Variants in PAX2 observed in about 807,000 individuals in gnomAD.
PAX2 encodes paired box protein Pax-2.
In PAX2, 9 loss-of-function variants were observed where a neutral mutation model predicts 41.7. The observed-to-expected ratio is 0.22, with a 90% CI of 0.13 to 0.38. PAX2 has a LOEUF of 0.38. Among genes scored for constraint, PAX2 ranks in the 10% least tolerant of loss-of-function variants. The probability of loss-of-function intolerance (pLI) is 1.00; values close to 1 mark genes in which losing one functional copy is unlikely to be tolerated. For missense variants in PAX2, 418 were observed against 531.6 expected (o/e 0.79, Z 2.10); for synonymous variants, 221 against 212.7 (o/e 1.04, Z -0.34).
At chr10:100,771,912 A>G (rs1846225695) in intron 3 of PAX2, among the ~76,000 whole-genome samples, 1 of 151,652 alleles carries the variant, frequency 6.6e-6, no homozygotes, top group African/African-American at 2.4e-5. Flanking sequence ...CGTTCAAGCA[A>G]TTCTCTGCCT....
Position 100,824,741 on chromosome 10 carries a change from T to C in PAX2, c.1013T>C (p.Met338Thr). The change falls in exon 8 of 10, where the codon ATG becomes ACG. Residue 338 changes from methionine to threonine, a missense_variant. Transcript: ENST00000355243. This position sits in a 1 kb window ranked among gnomAD's most constrained non-coding sequence, Gnocchi z 6.6. ...GSYPTSTLAGMVPGSEFSGNP... is the reference protein window; with the variant it reads ...GSYPTSTLAGTVPGSEFSGNP... Reference sequence around the variant, plus strand: ...TACCCCACCTCCACCCTGGCAGGAATGGTGCCTGGTAGGTGACAATGCTGC... The same window carrying C: ...TACCCCACCTCCACCCTGGCAGGAACGGTGCCTGGTAGGTGACAATGCTGC... 1.2e-6 allele frequency: 2 copies of C among 1,601,566 alleles called. No individual in the cohort carries two copies. The highest frequency in any genetic ancestry group is 1.7e-6 in the Non-Finnish European group (2 of 1,168,728).
rs1489273307 is a variant in PAX2, at chr10:100,771,944, T to A, written c.411-7554T>A. 2.6e-5 allele frequency among the ~76,000 whole-genome samples: 4 copies of A among 151,988 alleles called. No homozygotes were observed. The East Asian group carries it at 7.8e-4, about 30-fold the overall frequency. On this transcript the variant is annotated intron_variant, in intron 3 of 9. Coordinates refer to ENST00000355243, the MANE Select transcript of PAX2 (RefSeq NM_000278.5). ...GCCTCAGCCTCCCCAGTAGCAGGGA[T>A]TACAGGCATCCGCCACCATGCCCGG...
At chr10:100,803,903 A>T (rs1018530693) in intron 5 of PAX2, among the ~76,000 whole-genome samples, 1 of 152,084 alleles carries the variant, frequency 6.6e-6, no homozygotes, top group Non-Finnish European at 1.5e-5. Flanking sequence ...TAAATAAATA[A>T]ATAAAAAGGT....
In PAX2 at chr10:100,826,173, C is replaced by T. The variant is rs896700281; in HGVS notation, c.1022-836C>T. Among the ~76,000 whole-genome samples the T allele has an allele frequency of 1.3e-5, 2 of 152,158 alleles. No individual in the cohort carries two copies. The highest frequency in any genetic ancestry group is 1.9e-4 in the East Asian group (1 of 5,196). Reference sequence around the variant, plus strand: ...CTGCTGCACGCATGCTTTCCCTCCTCGTCAATAAACAGGCTTTCCAGTGGC... The same window carrying T: ...CTGCTGCACGCATGCTTTCCCTCCTTGTCAATAAACAGGCTTTCCAGTGGC... On this transcript the variant is annotated intron_variant, in intron 8 of 9. Transcript: ENST00000355243. This position sits in a 1 kb window ranked among gnomAD's most constrained non-coding sequence, Gnocchi z 5.5.
chr10:100,776,993 G>A (rs1846409203), intron 3 of PAX2, among the ~76,000 whole-genome samples: 1 of 152,086 alleles, frequency 6.6e-6, no homozygotes, highest in Non-Finnish European at 1.5e-5. Flanking sequence ...CATGGCTTAA[G>A]GCCCTCTAAA....
In PAX2 at chr10:100,770,107, C is replaced by T. The variant is rs1371127106; in HGVS notation, c.411-9391C>T. Among the ~76,000 whole-genome samples the T allele has an allele frequency of 2.0e-5, 3 of 152,044 alleles. No homozygotes were observed. The South Asian group carries it at 6.2e-4, about 32-fold the overall frequency. On this transcript the variant is annotated intron_variant, in intron 3 of 9. Coordinates refer to ENST00000355243, the MANE Select transcript of PAX2 (RefSeq NM_000278.5). Reference sequence around the variant, plus strand: ...GACTGTTTTTGAATGCCTGAGTAGGCGAAAGGTAGGAAAGGCTAGAGGTAG... The same window carrying T: ...GACTGTTTTTGAATGCCTGAGTAGGTGAAAGGTAGGAAAGGCTAGAGGTAG...
rs12571628 is a variant in PAX2 at position 100,747,835 on chromosome 10, G to T, written c.43+1532G>T. ...GGAACCGGGTCCACACGCCGTTTTC[G>T]CCCAGCCAGCCTGCCTCGCGGCCCG... On this transcript the variant is annotated intron_variant, in intron 1 of 9. Coordinates refer to ENST00000355243, the MANE Select transcript of PAX2 (RefSeq NM_000278.5). The T allele has an allele frequency of 5.7e-5, 56 of 984,914 alleles. No individual in the cohort carries two copies. The East Asian group carries it at 4.0e-3, about 71-fold the overall frequency. 61.0% of individuals were successfully genotyped at this position (984,914 alleles called of 1,614,324 possible).
At chr10:100,735,973 T>C (rs564554586) in intron 1 of PAX2, among the ~76,000 whole-genome samples, 1 of 152,362 alleles carries the variant, frequency 6.6e-6, no homozygotes, top group Admixed American at 6.5e-5. Flanking sequence ...ACAACTTCGC[T>C]TGCAGAACTT....
intron 5 of PAX2, among the ~76,000 whole-genome samples, chr10:100,797,746 C>T (rs1177824336): frequency 6.6e-6 from 1 of 152,158 alleles, no homozygotes; most frequent in East Asian, 1.9e-4. Context: ...TAACAGCCCT[C>T]TTGTATATGT....
intron 4 of PAX2, among the ~76,000 whole-genome samples, chr10:100,779,966 T>C (rs1046357423): frequency 5.9e-5 from 9 of 152,162 alleles, no homozygotes; most frequent in African/African-American, 2.2e-4. Flanking sequence ...CTGTGCCCTC[T>C]TTCTTTTATA....
chr10:100,812,051 G>T (rs377347826), intron 7 of PAX2, among the ~76,000 whole-genome samples: 8 of 152,232 alleles, frequency 5.3e-5, no homozygotes, highest in African/African-American at 1.4e-4. Context: ...CTAGACTATT[G>T]TGTGGAGGGG....
rs531058771 is a variant in PAX2 at position 100,746,100 on chromosome 10, C to G, written c.-161C>G. On this transcript the variant is annotated 5_prime_UTR_variant, in exon 1 of 10. Transcript: ENST00000355243. ...AACCCGGAGGAGCCCCAGCGGGGAG[C>G]GCAGTGCTGCGCCCCCCGCCCCCGC... The G allele has an allele frequency of 4.5e-6, 7 of 1,544,992 alleles. No individual in the cohort carries two copies. In the African/African-American group the frequency reaches 5.5e-5, roughly 12 times the overall value.
In PAX2 at chr10:100,824,797, T is replaced by C. The variant is rs199778816; in HGVS notation, c.1021+48T>C. The C allele has an allele frequency of 1.3e-6, 2 of 1,507,476 alleles. No homozygotes were observed. Among genetic ancestry groups the C allele is most frequent in the East Asian group, 2.3e-5 (1 of 44,362 alleles). 93.4% of individuals were successfully genotyped at this position (1,507,476 alleles called of 1,614,324 possible). On this transcript the variant is annotated intron_variant, in intron 8 of 9. Transcript: ENST00000355243. This position sits in a 1 kb window ranked among gnomAD's most constrained non-coding sequence, Gnocchi z 6.6. Reference sequence around the variant, plus strand: ...CCTAATCTAGGTGGGGGGAACTAAATTGTGGGTGAGCTGCTGAATGGTCTG... The same window carrying C: ...CCTAATCTAGGTGGGGGGAACTAAACTGTGGGTGAGCTGCTGAATGGTCTG...
chr10:100,750,649 G>T lies in PAX2; in HGVS notation c.213-45G>T. The T allele has an allele frequency of 6.4e-7, 1 of 1,564,520 alleles. No individual in the cohort carries two copies. Among genetic ancestry groups the T allele is most frequent in the Non-Finnish European group, 8.8e-7 (1 of 1,136,828 alleles). On this transcript the variant is annotated intron_variant, in intron 2 of 9. Transcript: ENST00000355243. This position sits in a 1 kb window ranked among gnomAD's most constrained non-coding sequence, Gnocchi z 4.1. ...CTGGAACCTGCAGCCCCCCTGCCCCGCCACAGTCCGCTTCTGGCTGACCCC... is the reference window on the plus strand; with the variant it reads ...CTGGAACCTGCAGCCCCCCTGCCCCTCCACAGTCCGCTTCTGGCTGACCCC...
At chr10:100,801,051 A>C (rs148399251) in intron 5 of PAX2, among the ~76,000 whole-genome samples, 2 of 152,202 alleles carry the variant, frequency 1.3e-5, no homozygotes, top group Non-Finnish European at 2.9e-5. Context: ...TTGCCTGGAG[A>C]CTAGGGTCCT....
rs1847128521 is a variant in PAX2, at chr10:100,791,731, G to A, written c.616+10366G>A. ...TGGGATGGAGGGATGGGGACAGTAG[G>A]TTTGGTAGGAGTGACTCCAGGAGCC... On this transcript the variant is annotated intron_variant, in intron 5 of 9. Transcript: ENST00000355243. The surrounding 1 kb of genome is among the most constrained non-coding windows in gnomAD (Gnocchi z 4.5). Among the ~76,000 whole-genome samples the A allele has an allele frequency of 1.3e-5, 2 of 152,306 alleles. No individual in the cohort carries two copies. Among genetic ancestry groups the A allele is most frequent in the Middle Eastern group, 3.4e-3 (1 of 294 alleles).
At chr10:100,785,000 G>A (rs1235358478) in intron 5 of PAX2, among the ~76,000 whole-genome samples, 2 of 152,186 alleles carry the variant, frequency 1.3e-5, no homozygotes, top group Non-Finnish European at 2.9e-5. Context: ...ATGTTCTGAA[G>A]CACCCAGAAG....
chr10:100,809,088 T>C (rs1350738978), intron 6 of PAX2, 22 bp from the exon 7 acceptor site: 1 of 1,611,028 alleles, frequency 6.2e-7, no homozygotes, highest in Admixed American at 1.7e-5. Context: ...TAGAGAGCTG[T>C]CACTTTTCTC....
At chr10:100,776,817 T>G (rs1846403226) in intron 3 of PAX2, among the ~76,000 whole-genome samples, 1 of 152,242 alleles carries the variant, frequency 6.6e-6, no homozygotes, top group Admixed American at 6.5e-5. Context: ...AAACCATGGT[T>G]GACTCCAGTT....
Sources: allele counts gnomAD v4.1 joint callset (sites outside exome capture counted in the v4.1 genomes callset), GRCh38; gene constraint gnomAD v4.1.1; non-coding constraint Gnocchi (gnomAD v3.1); transcripts MANE v1.5; gene names NCBI Gene and HGNC (gene_info 2026-07-23, HGNC 2026-07-21).